The following NRXN3 variants were observed in gnomAD, a reference collection of about 807,000 sequenced individuals.
The protein encoded by NRXN3 is neurexin 3.
A neutral mutation model predicts 137.6 loss-of-function variants in NRXN3; 32 were observed. The observed-to-expected ratio is 0.23, with a 90% confidence interval of 0.18 to 0.31. NRXN3 has a LOEUF of 0.31. Ranked by LOEUF, NRXN3 falls within the 10% of genes least tolerant of loss-of-function variation. The probability of loss-of-function intolerance (pLI) is 1.00; values close to 1 mark genes in which losing one functional copy is unlikely to be tolerated. For missense variants in NRXN3, 1,574 were observed against 2,062.5 expected (o/e 0.76, Z 4.59); for synonymous variants, 798 against 784.5 (o/e 1.02, Z -0.29).
chr14:79,561,343 A>T (rs1047199746), intron 16 of NRXN3, among the ~76,000 whole-genome samples: 2 of 152,198 alleles, frequency 1.3e-5, no homozygotes, highest in Admixed American at 1.3e-4. Flanking sequence ...CAGCAAAGCC[A>T]TATTGTGATG....
chr14:78,686,816 T>C (rs2098129790), intron 6 of NRXN3, among the ~76,000 whole-genome samples: 1 of 152,168 alleles, frequency 6.6e-6, no homozygotes, highest in African/African-American at 2.4e-5. Context: ...GTTTGCATAA[T>C]TCCCTGTGTT....
rs2098934174 is a variant in NRXN3, at chr14:79,734,229, CTGA to C, written c.4014+36294_4014+36296del. Among the ~76,000 whole-genome samples, 3 of 152,306 alleles carry C rather than the reference CTGA, an allele frequency of 2.0e-5. No individual in the cohort carries two copies. In the East Asian group the frequency reaches 5.8e-4, roughly 29 times the overall value. On this transcript the variant is annotated intron_variant, in intron 19 of 20. Coordinates refer to ENST00000335750, the MANE Select transcript of NRXN3 (RefSeq NM_001330195.2). The stretch of plus-strand genomic sequence containing the variant: ...TTTTGAAAAGTAGGTCTTTCACCTG[CTGA>C]TAATGGAGGATCCAATTCTGTGTAA...
chr14:78,849,075 A>C (rs2099035588), intron 10 of NRXN3, among the ~76,000 whole-genome samples: 2 of 152,120 alleles, frequency 1.3e-5, no homozygotes, highest in Admixed American at 6.6e-5. Context: ...GTTTAATATC[A>C]ATTGAATCAC....
At chr14:78,799,128 G>T (rs1266455777) in intron 8 of NRXN3, among the ~76,000 whole-genome samples, 1 of 152,236 alleles carries the variant, frequency 6.6e-6, no homozygotes, top group Non-Finnish European at 1.5e-5. Flanking sequence ...TCCTCAGAAA[G>T]TGGGTTTTTC....
intron 11 of NRXN3, among the ~76,000 whole-genome samples, chr14:78,965,816 G>A (rs2099416397): frequency 6.6e-6 from 1 of 152,158 alleles, no homozygotes; most frequent in Non-Finnish European, 1.5e-5. Context: ...GAGCCGTGCT[G>A]AGCAGCTGCG....
At chr14:78,382,458 A>G (rs1022715319) in intron 4 of NRXN3, among the ~76,000 whole-genome samples, 1 of 152,170 alleles carries the variant, frequency 6.6e-6, no homozygotes, top group African/African-American at 2.4e-5. Context: ...TCAGGGAAAG[A>G]TATTAACCAA....
chr14:78,593,651 C>G (rs2097135550), intron 4 of NRXN3, among the ~76,000 whole-genome samples: 1 of 152,132 alleles, frequency 6.6e-6, no homozygotes, highest in South Asian at 2.1e-4. Flanking sequence ...AGTGGAGATG[C>G]CAGTAGCTGT....
At chr14:78,356,571 C>T (rs1398498682) in intron 4 of NRXN3, among the ~76,000 whole-genome samples, 4 of 152,198 alleles carry the variant, frequency 2.6e-5, no homozygotes, top group African/African-American at 9.7e-5. Context: ...TAATCAATGT[C>T]CCTCTCAGCC....
intron 4 of NRXN3, among the ~76,000 whole-genome samples, chr14:78,564,788 C>T (rs1600545690): frequency 6.6e-6 from 1 of 152,150 alleles, no homozygotes; most frequent in Non-Finnish European, 1.5e-5. Flanking sequence ...AGGCCTACCA[C>T]AGTACTTGAC....
intron 15 of NRXN3, among the ~76,000 whole-genome samples, chr14:79,115,334 A>AAG (rs2054256148): frequency 6.6e-6 from 1 of 151,438 alleles, no homozygotes; most frequent in Non-Finnish European, 1.5e-5. Flanking sequence ...TCAAAAAAAA[A>AAG]AAAAAAAGAA....
At chr14:78,824,304 C>T (rs930096566) in intron 10 of NRXN3, among the ~76,000 whole-genome samples, 8 of 151,984 alleles carry the variant, frequency 5.3e-5, no homozygotes, top group African/African-American at 1.9e-4. Flanking sequence ...TCTGTTCATT[C>T]AGTCAAGGGA....
chr14:79,838,058 G>T (rs74064331), intron 20 of NRXN3, among the ~76,000 whole-genome samples: 4,715 of 152,092 alleles, frequency 0.031, 236 homozygotes, highest in African/African-American at 0.11. Flanking sequence ...TTACATAAAA[G>T]CCAATATATT....
At position 79,411,402 on chromosome 14, in the gene NRXN3, G is replaced by C. The variant is rs145931470; in HGVS notation, c.3263-55819G>C. ...CAACCCTGCAATCATCCTACATGTAGTGTTTCTATTTATCATTGTATTTTT... is the reference window on the plus strand; with the variant it reads ...CAACCCTGCAATCATCCTACATGTACTGTTTCTATTTATCATTGTATTTTT... On this transcript the variant is annotated intron_variant, in intron 15 of 20. Coordinates refer to ENST00000335750, the MANE Select transcript of NRXN3 (RefSeq NM_001330195.2). 3.3e-5 allele frequency among the ~76,000 whole-genome samples: 5 copies of C among 152,244 alleles called. No homozygotes were observed. The East Asian group carries it at 9.6e-4, about 29-fold the overall frequency.
chr14:79,858,859 A>G (rs2099408297), intron 20 of NRXN3, among the ~76,000 whole-genome samples: 2 of 151,992 alleles, frequency 1.3e-5, no homozygotes, highest in Admixed American at 6.6e-5. Flanking sequence ...AGTTAGTTTT[A>G]GGACTGGCTT....
chr14:79,067,056 G>C (rs1017293460), intron 15 of NRXN3, among the ~76,000 whole-genome samples: 1 of 152,042 alleles, frequency 6.6e-6, no homozygotes, highest in East Asian at 1.9e-4. Context: ...GTTTTCAGGG[G>C]GAATGTTTCC....
intron 16 of NRXN3, among the ~76,000 whole-genome samples, chr14:79,568,791 G>T (rs1394649953): frequency 6.6e-6 from 1 of 152,130 alleles, no homozygotes; most frequent in African/African-American, 2.4e-5. Context: ...GGAAACAAAT[G>T]GCTTCTATTG....
Position 79,128,101 on chromosome 14 carries a change from A to G in NRXN3, c.3262+139960A>G, listed in dbSNP as rs879686656. ...GCTGAGACAGTGGGGTTTTCTAGAT[A>G]TACAATCATGTCATCTGCAAACAGG... On this transcript the variant is annotated intron_variant, in intron 15 of 20. Coordinates refer to ENST00000335750, the MANE Select transcript of NRXN3 (RefSeq NM_001330195.2). Among the ~76,000 whole-genome samples, 100 of 150,120 alleles carry G rather than the reference A, an allele frequency of 6.7e-4. 1 individual carries two copies. Among genetic ancestry groups the G allele is most frequent in the Non-Finnish European group, 1.1e-3 (73 of 67,738 alleles).
chr14:79,242,667 T>C (rs1327844893), intron 15 of NRXN3, among the ~76,000 whole-genome samples: 1 of 152,130 alleles, frequency 6.6e-6, no homozygotes, highest in Non-Finnish European at 1.5e-5. Flanking sequence ...GTGTTTTTCC[T>C]CTCTGGGTCT....
intron 6 of NRXN3, among the ~76,000 whole-genome samples, chr14:78,687,829 A>G (rs542084206): frequency 6.6e-6 from 1 of 152,330 alleles, no homozygotes; most frequent in African/African-American, 2.4e-5. Context: ...AAGTAATCAT[A>G]TGGCTCCATC....
Sources: allele counts gnomAD v4.1 joint callset (sites outside exome capture counted in the v4.1 genomes callset), GRCh38; gene constraint gnomAD v4.1.1; transcripts MANE v1.5; gene names NCBI Gene and HGNC (gene_info 2026-07-23, HGNC 2026-07-21).